Variants in AKAP8L observed in about 807,000 individuals in gnomAD.
AKAP8L encodes A-kinase anchoring protein 8 like.
A neutral mutation model predicts 77.5 loss-of-function variants in AKAP8L; 34 were observed. That is an observed-to-expected ratio of 0.44 (90% confidence interval 0.33 to 0.58). The LOEUF is 0.58. Among genes scored for constraint, AKAP8L ranks in the 20% least tolerant of loss-of-function variants. The pLI is 0.02. For missense variants in AKAP8L, 806 were observed against 887.6 expected, an observed-to-expected ratio of 0.91 and a Z score of 1.17; for synonymous variants, 342 against 340.7, an observed-to-expected ratio of 1.00 and a Z score of -0.04.
At chr19:15,408,711 G>A (rs897784213) in intron 2 of AKAP8L, among the ~76,000 whole-genome samples, 16 of 151,464 alleles carry the variant, frequency 1.1e-4, no homozygotes, top group Non-Finnish European at 1.9e-4. Flanking sequence ...GTGAAACCCC[G>A]TCTCTACTGA....
chr19:15,412,122 C>T (rs111609242), intron 1 of AKAP8L, among the ~76,000 whole-genome samples: 1 of 152,104 alleles, frequency 6.6e-6, no homozygotes, highest in Non-Finnish European at 1.5e-5. Flanking sequence ...GCAGGAGAAT[C>T]GCTTGAACCC....
At chr19:15,402,203 C>G (rs1967914611) in intron 4 of AKAP8L, among the ~76,000 whole-genome samples, 1 of 152,190 alleles carries the variant, frequency 6.6e-6, no homozygotes. Flanking sequence ...ATTACATCAA[C>G]CCTGGAGCCC....
At chr19:15,414,179 C>T (rs999694408) in intron 1 of AKAP8L, among the ~76,000 whole-genome samples, 2 of 151,656 alleles carry the variant, frequency 1.3e-5, no homozygotes, top group African/African-American at 2.4e-5. Context: ...ATTCTCCTGC[C>T]TCAGCCTCCC....
intron 12 of AKAP8L, among the ~76,000 whole-genome samples, chr19:15,394,429 G>C (rs570839882): frequency 1.3e-3 from 205 of 152,282 alleles, no homozygotes; most frequent in African/African-American, 4.8e-3. Flanking sequence ...AGGTTGGGGG[G>C]GCTGATAGCT....
In AKAP8L at chr19:15,380,130, C is replaced by A; in HGVS notation, c.1933G>T (p.Ala645Ser). ...VEDDEEGGGG[A>S]P ...CCCGCCCCGAGCTCGGGTCACGGGG[C>A]GCCCCCGCCGCCCTCCTCGTCGTCC... The change falls in exon 14 of 14, where the codon GCC becomes TCC. Residue 645 changes from alanine to serine, a missense_variant. Transcript: ENST00000397410. 6.7e-7 allele frequency: 1 copy of A among 1,494,430 alleles called. No homozygotes were observed. Among genetic ancestry groups the A allele is most frequent in the Non-Finnish European group, 8.8e-7 (1 of 1,131,168 alleles). 92.6% of individuals were successfully genotyped at this position (1,494,430 alleles called of 1,614,324 possible). A position where few individuals can be genotyped will look rare whatever the true frequency, so the allele number is the denominator to read the frequency against.
chr19:15,399,229 A>C lies in AKAP8L; in HGVS notation c.1157+73T>G. 1 of 1,369,110 alleles carries C rather than the reference A, an allele frequency of 7.3e-7. No homozygotes were observed. Among genetic ancestry groups the C allele is most frequent in the Non-Finnish European group, 1.0e-6 (1 of 960,678 alleles). 84.8% of individuals were successfully genotyped at this position (1,369,110 alleles called of 1,614,324 possible). ...AGGCCAGAGGGCGGCGAGCTGGCAG[A>C]GCTATGGCCCTGCTCTCCTGGCGGC... On this transcript the variant is annotated intron_variant, in intron 9 of 13. Transcript: ENST00000397410. The surrounding 1 kb of genome is among the most constrained non-coding windows in gnomAD (Gnocchi z 6.1).
Position 15,414,555 on chromosome 19 carries a change from C to T in AKAP8L, c.14-3961G>A, listed in dbSNP as rs1321203281. 3.9e-5 allele frequency among the ~76,000 whole-genome samples: 6 copies of T among 152,094 alleles called. No homozygotes were observed. In the South Asian group the frequency reaches 1.0e-3, roughly 26 times the overall value. The stretch of plus-strand genomic sequence containing the variant: ...CCAGGCTGGAGTGCAGTGGCACGAT[C>T]TTGGCTCACTGCAAGCTCCGCCTCC... On this transcript the variant is annotated intron_variant, in intron 1 of 13. Transcript: ENST00000397410.
At chr19:15,411,438 GCAACAGGGTGAAACCCTGTCTC>G (rs1968102859) in intron 1 of AKAP8L, among the ~76,000 whole-genome samples, 1 of 150,694 alleles carries the variant, frequency 6.6e-6, no homozygotes, top group Non-Finnish European at 1.5e-5. Context: ...ACCAGCCTGG[GCAACAGGGTGAAACCCTGTCTC>G]TACAAAAAAA....
Position 15,404,018 on chromosome 19 carries a change from G to A in AKAP8L, c.113C>T (p.Thr38Ile). ...ACAGGAATGACACTTGCCTCTATTTGTCCCAGAGTTCCAAGTTCCATATCC... is the reference window on the plus strand; with the variant it reads ...ACAGGAATGACACTTGCCTCTATTTATCCCAGAGTTCCAAGTTCCATATCC... ...DYGYGTWNSG[T>I]NRGYEGYGYG... is the part of the protein sequence containing the mutation. The change falls in exon 3 of 14, where the codon ACA (threonine) becomes ATA (isoleucine). Residue 38 changes from threonine (T) to isoleucine (I), a missense_variant. By Grantham distance (89) the Thr-to-Ile change is moderately conservative (BLOSUM62 -1). Transcript: ENST00000397410. The A allele has an allele frequency of 6.2e-7, 1 of 1,613,868 alleles. No individual in the cohort carries two copies.
chr19:15,409,522 C>A (rs1233852697), intron 2 of AKAP8L, among the ~76,000 whole-genome samples: 1 of 152,158 alleles, frequency 6.6e-6, no homozygotes, highest in African/African-American at 2.4e-5. Flanking sequence ...GGCATGTTAG[C>A]TGTGTAGGAT....
chr19:15,407,311 T>C (rs1241784893), intron 2 of AKAP8L, among the ~76,000 whole-genome samples: 1 of 152,196 alleles, frequency 6.6e-6, no homozygotes, highest in Non-Finnish European at 1.5e-5. Context: ...CTATAAATTA[T>C]TAAACTACAC....
intron 12 of AKAP8L, among the ~76,000 whole-genome samples, chr19:15,384,403 G>A (rs531146621): frequency 4.9e-4 from 72 of 148,372 alleles, no homozygotes; most frequent in African/African-American, 1.1e-3. Context: ...AGGTTCAAGC[G>A]ATTCTCCTGC....
chr19:15,399,039 C>T lies in AKAP8L; in HGVS notation c.1157+263G>A, dbSNP rs897802092. The T allele has an allele frequency of 2.0e-6, 1 of 505,820 alleles. No homozygotes were observed. Among genetic ancestry groups the T allele is most frequent in the Admixed American group, 3.3e-5 (1 of 30,616 alleles). 31.3% of individuals were successfully genotyped at this position (505,820 alleles called of 1,614,324 possible). On this transcript the variant is annotated intron_variant, in intron 9 of 13. Transcript: ENST00000397410. This position sits in a 1 kb window ranked among gnomAD's most constrained non-coding sequence, Gnocchi z 6.1. ...GGTTCGTGCGCCGAGTGACCTAGCG[C>T]CAGAGCTTCTGAGCAACGGTGCCGA...
intron 7 of AKAP8L, 109 bp downstream of exon 7, chr19:15,400,685 A>G (rs1967874200): frequency 1.5e-6 from 2 of 1,308,386 alleles, no homozygotes; most frequent in Non-Finnish European, 2.2e-6. Context: ...GCTGGTCACC[A>G]TGCACGCAGA....
intron 2 of AKAP8L, among the ~76,000 whole-genome samples, chr19:15,404,899 C>T (rs894507063): frequency 6.6e-6 from 1 of 152,232 alleles, no homozygotes; most frequent in Non-Finnish European, 1.5e-5. Flanking sequence ...TGTCGTCCTG[C>T]ACTTGGGTTC....
Position 15,380,239 on chromosome 19 carries a change from T to C in AKAP8L, c.1824A>G (p.Pro608=), listed in dbSNP as rs942500961. Residue 608 remains proline, a synonymous_variant, in exon 14 of 14, where the codon CCA becomes CCG. Coordinates refer to ENST00000397410, the MANE Select transcript of AKAP8L (RefSeq NM_014371.4). ...GCACGGCGCCCTCCTCCTCCTCCTC[T>C]GGGGGCGGCGGCGGTGGCGGCGACA... ...GAVSPPPPPP[P]EEEEEGAVPL... is the part of the protein sequence containing the mutation. The C allele has an allele frequency of 1.9e-5, 29 of 1,499,772 alleles. No homozygotes were observed. The highest frequency in any genetic ancestry group is 2.5e-5 in the South Asian group (2 of 79,752). The allele number at this position is 1,499,772 out of a possible 1,614,324, so 92.9% of individuals were successfully genotyped here.
chr19:15,400,277 C>G lies in AKAP8L; in HGVS notation c.1048+18G>C. 1 of 1,613,624 alleles carries G rather than the reference C, an allele frequency of 6.2e-7. No individual in the cohort carries two copies. The highest frequency in any genetic ancestry group is 8.5e-7 in the Non-Finnish European group (1 of 1,179,564). On this transcript the variant is annotated intron_variant, in intron 8 of 13. Coordinates refer to ENST00000397410, the MANE Select transcript of AKAP8L (RefSeq NM_014371.4). ...CTGGAAGAGCCGCCCTAGCACCAGG[C>G]ACCCCAGGAAAACTCACCCTTCTCT...
intron 12 of AKAP8L, among the ~76,000 whole-genome samples, chr19:15,382,984 C>T (rs1203331361): frequency 6.6e-6 from 1 of 152,128 alleles, no homozygotes; most frequent in African/African-American, 2.4e-5. Context: ...CATTTATTTC[C>T]CTACCAAATT....
chr19:15,400,951 G>A lies in AKAP8L; in HGVS notation c.909C>T (p.Asp303=). The A allele has an allele frequency of 6.2e-7, 1 of 1,613,992 alleles. No homozygotes were observed. The highest frequency in any genetic ancestry group is 8.5e-7 in the Non-Finnish European group (1 of 1,179,890). The change falls in exon 6 of 14, where the codon GAC becomes GAT. Residue 303 remains aspartate, a synonymous_variant. Transcript: ENST00000397410. ...AGTACCACCTAGTGGGCTCACCATTGTCTGAGTCGCTGTTGTCCGAGCAGT... is the reference window on the plus strand; with the variant it reads ...AGTACCACCTAGTGGGCTCACCATTATCTGAGTCGCTGTTGTCCGAGCAGT... The part of the protein sequence containing the change: ...RTDCSDNSDS[D]NDEGTEGEAT...
Sources: allele counts gnomAD v4.1 joint callset (sites outside exome capture counted in the v4.1 genomes callset), GRCh38; gene constraint gnomAD v4.1.1; non-coding constraint Gnocchi (gnomAD v3.1); transcripts MANE v1.5; gene names NCBI Gene and HGNC (gene_info 2026-07-23, HGNC 2026-07-21).